Variants in NEK1 observed in about 807,000 individuals in gnomAD.
NEK1 encodes NIMA related kinase 1, also known as serine/threonine-protein kinase Nek1.
Under a neutral mutation model 182.1 loss-of-function variants are expected in NEK1, and 137 were observed. The observed-to-expected ratio is 0.75, with a 90% CI of 0.65 to 0.87. The LOEUF is 0.87. Ranked by LOEUF, NEK1 falls within the 40% of genes least tolerant of loss-of-function variation. The pLI is 0.00. For synonymous variants in NEK1, 513 were observed against 492.2 expected (o/e 1.04, Z -0.56); for missense variants, 1,391 against 1,494.4 (o/e 0.93, Z 1.14).
At chr4:169,513,406 T>C (rs1053269479) in intron 19 of NEK1, among the ~76,000 whole-genome samples, 2 of 152,224 alleles carry the variant, frequency 1.3e-5, no homozygotes, top group African/African-American at 2.4e-5. Flanking sequence ...ATTCAATTGA[T>C]TTTTGTGTAC....
intron 5 of NEK1, among the ~76,000 whole-genome samples, chr4:169,595,989 C>T (rs1416026056): frequency 6.8e-6 from 1 of 146,932 alleles, no homozygotes; most frequent in East Asian, 2.0e-4. Context: ...TGCCAGGAAA[C>T]TGTCCTGTTA....
At chr4:169,419,004 G>A (rs944704795) in intron 31 of NEK1, among the ~76,000 whole-genome samples, 1 of 152,074 alleles carries the variant, frequency 6.6e-6, no homozygotes, top group African/African-American at 2.4e-5. Context: ...TAATGGCATT[G>A]TAGTGTCATA....
chr4:169,567,688 C>G (rs1401346081), intron 12 of NEK1, among the ~76,000 whole-genome samples: 1 of 152,180 alleles, frequency 6.6e-6, no homozygotes, highest in Non-Finnish European at 1.5e-5. Context: ...GGCACTGCAC[C>G]TAGCCAGTGA....
intron 24 of NEK1, 34 bp from the exon 25 acceptor site, chr4:169,477,531 A>T (rs902532004): frequency 3.3e-5 from 49 of 1,486,106 alleles, no homozygotes; most frequent in African/African-American, 4.2e-5. Context: ...GGAAGAGATA[A>T]TTTTATTTTT....
intron 2 of NEK1, among the ~76,000 whole-genome samples, chr4:169,608,112 C>CACAT (rs932270640): frequency 9.9e-6 from 1 of 101,516 alleles, no homozygotes; most frequent in Non-Finnish European, 2.1e-5. Context: ...GACACACACA[C>CACAT]ACATACACAC....
At chr4:169,431,102 G>A (rs1043291083) in intron 29 of NEK1, among the ~76,000 whole-genome samples, 1 of 151,800 alleles carries the variant, frequency 6.6e-6, no homozygotes, top group Non-Finnish European at 1.5e-5. Flanking sequence ...ATTGAATCAC[G>A]AACGATATCA....
chr4:169,563,494 G>C (rs1365497606), intron 12 of NEK1, among the ~76,000 whole-genome samples: 1 of 151,936 alleles, frequency 6.6e-6, no homozygotes, highest in Non-Finnish European at 1.5e-5. Context: ...ATAGTTTAAT[G>C]CTGCTTCACC....
In NEK1 at chr4:169,558,628, C is replaced by T. The variant is rs1762477884; in HGVS notation, c.1267-2533G>A. On this transcript the variant is annotated intron_variant, in intron 16 of 35. Transcript: ENST00000507142. ...ATTCTTTTTACTGCCAAATGGTATTCCAATATATTTTCAAACAAGAGATAC... is the reference window on the plus strand; with the variant it reads ...ATTCTTTTTACTGCCAAATGGTATTTCAATATATTTTCAAACAAGAGATAC... 2.0e-5 allele frequency among the ~76,000 whole-genome samples: 3 copies of T among 152,100 alleles called. No homozygotes were observed. In the South Asian group the frequency reaches 6.2e-4, roughly 31 times the overall value.
intron 18 of NEK1, among the ~76,000 whole-genome samples, chr4:169,538,786 C>A (rs1437160930): frequency 6.6e-6 from 1 of 151,974 alleles, no homozygotes; most frequent in Admixed American, 6.6e-5. Flanking sequence ...TTCTTTGGGA[C>A]CATAACTAAA....
intron 23 of NEK1, among the ~76,000 whole-genome samples, chr4:169,502,847 T>A (rs1459526883): frequency 6.6e-6 from 1 of 152,174 alleles, no homozygotes; most frequent in Non-Finnish European, 1.5e-5. Flanking sequence ...TTCTTAGCAA[T>A]CCTATTCAAC....
At chr4:169,433,806 AGG>A in intron 28 of NEK1, 141 bp from the exon 29 acceptor site, 1 of 780,682 alleles carries the variant, frequency 1.3e-6, no homozygotes, top group Non-Finnish European at 2.0e-6. Flanking sequence ...TTCTCTCTAT[AGG>A]GTTTAACTCT....
chr4:169,449,038 G>C (rs2149459211), intron 27 of NEK1, among the ~76,000 whole-genome samples: 1 of 152,350 alleles, frequency 6.6e-6, no homozygotes, highest in South Asian at 2.1e-4. Flanking sequence ...CACGCCCACA[G>C]AGCCTTGCTC....
At chr4:169,509,818 C>T (rs1382950302) in intron 19 of NEK1, among the ~76,000 whole-genome samples, 1 of 151,996 alleles carries the variant, frequency 6.6e-6, no homozygotes, top group Non-Finnish European at 1.5e-5. Context: ...ATCTGAGAAA[C>T]TTAAAATTTG....
Position 169,394,221 on chromosome 4 carries a change from C to G in NEK1, c.*289G>C. On this transcript the variant is annotated 3_prime_UTR_variant, in exon 36 of 36. Coordinates refer to ENST00000507142, the MANE Select transcript of NEK1 (RefSeq NM_001199397.3). ...CTATTGCATAGTAAATCTTCAAAAC[C>G]ATTAAGTCAGGTTCTGGGTCAATGT... 3.7e-6 allele frequency: 1 copy of G among 271,250 alleles called. No homozygotes were observed. Among genetic ancestry groups the G allele is most frequent in the East Asian group, 9.0e-5 (1 of 11,092 alleles). The allele number at this position is 271,250 out of a possible 1,614,324, so 16.8% of individuals were successfully genotyped here.
At chr4:169,570,097 G>A (rs1764462904) in intron 12 of NEK1, among the ~76,000 whole-genome samples, 2 of 151,090 alleles carry the variant, frequency 1.3e-5, no homozygotes, top group South Asian at 2.1e-4. Context: ...GAGCGTCTCT[G>A]CCTGGCCGCC....
At position 169,402,690 on chromosome 4, in the gene NEK1, A is replaced by G. The variant is rs535582197; in HGVS notation, c.3375-830T>C. On this transcript the variant is annotated intron_variant, in intron 32 of 35. Coordinates refer to ENST00000507142, the MANE Select transcript of NEK1 (RefSeq NM_001199397.3). ...ACTCAAATTTTATCCACAAAAAATC[A>G]CTTTAGAGACATGAAAACTATGAAC... Among the ~76,000 whole-genome samples the G allele has an allele frequency of 5.3e-5, 8 of 152,324 alleles. No individual in the cohort carries two copies. In the South Asian group the frequency reaches 1.7e-3, roughly 32 times the overall value.
In NEK1 at chr4:169,508,300, A is replaced by G; in HGVS notation, c.1781T>C (p.Leu594Pro). 1 of 1,591,060 alleles carries G rather than the reference A, an allele frequency of 6.3e-7. No individual in the cohort carries two copies. Among genetic ancestry groups the G allele is most frequent in the Non-Finnish European group, 8.6e-7 (1 of 1,168,884 alleles). Residue 594 changes from leucine to proline, a missense_variant, in exon 21 of 36, where the codon CTA becomes CCA. Physicochemically the swap from Leu to Pro is moderately conservative, Grantham distance 98 (BLOSUM62 -3). Coordinates refer to ENST00000507142, the MANE Select transcript of NEK1 (RefSeq NM_001199397.3). ...VYLARLRQIRLQNFNERQQIK... is the reference protein window; with the variant it reads ...VYLARLRQIRPQNFNERQQIK... ...CTGTTGGCGCTCATTGAAATTCTGTAGTCTTATTTGCCTCAGTCTTGCCAG... is the reference window on the plus strand; with the variant it reads ...CTGTTGGCGCTCATTGAAATTCTGTGGTCTTATTTGCCTCAGTCTTGCCAG...
chr4:169,455,555 G>C (rs1302267971), intron 27 of NEK1, among the ~76,000 whole-genome samples: 1 of 152,108 alleles, frequency 6.6e-6, no homozygotes, highest in East Asian at 1.9e-4. Context: ...GGTCAATTCA[G>C]CAAGAGGATA....
chr4:169,440,229 T>G (rs1025106702), intron 27 of NEK1, among the ~76,000 whole-genome samples: 1 of 151,624 alleles, frequency 6.6e-6, no homozygotes, highest in Non-Finnish European at 1.5e-5. Context: ...ACAGGCAATT[T>G]TCAAAGCAGC....
Sources: gnomAD v4.1 joint callset for allele counts (sites outside exome capture counted in the v4.1 genomes callset) on GRCh38, gnomAD v4.1.1 for gene constraint, MANE v1.5 for transcripts, NCBI Gene and HGNC (gene_info 2026-07-23, HGNC 2026-07-21) for gene names.